The following PCDH9 variants were observed in gnomAD, a reference collection of about 807,000 sequenced individuals.
PCDH9 encodes the protein protocadherin-9.
A neutral mutation model predicts 70.6 loss-of-function variants in PCDH9; 24 were observed. That is an observed-to-expected ratio of 0.34 (90% CI 0.25 to 0.48). PCDH9 has a LOEUF of 0.48. Among genes scored for constraint, PCDH9 ranks in the 20% least tolerant of loss-of-function variants. The pLI is 0.99. For missense variants in PCDH9, 1,281 were observed against 1,503.6 expected, an observed-to-expected ratio of 0.85 and a Z score of 2.45; for synonymous variants, 562 against 558.5, an observed-to-expected ratio of 1.01 and a Z score of -0.09.
At chr13:66,665,467 C>T (rs1353507786) in intron 3 of PCDH9, among the ~76,000 whole-genome samples, 1 of 152,148 alleles carries the variant, frequency 6.6e-6, no homozygotes, top group Non-Finnish European at 1.5e-5. Flanking sequence ...TTACTGTTTT[C>T]TTACCCTATT....
Position 67,227,092 on chromosome 13 carries a change from T to G in PCDH9, c.1349A>C (p.Asn450Thr). ...CTTAACCCTTACCAGGGCAGTCTGA[T>G]TTAAACTGGGCTTCCCAGAATCAGA... ...VASDSGKPSL[N>T]QTALVRVKLE... Residue 450 changes from asparagine (N) to threonine (T), a missense_variant, in exon 2 of 5, where the codon AAT (asparagine) becomes ACT (threonine). Around this residue, in one of 4 missense-constraint regions of PCDH9, gnomAD observed 798 missense variants for 1,003.1 expected, o/e 0.80. Coordinates refer to ENST00000377865, the MANE Select transcript of PCDH9 (RefSeq NM_203487.3). This position sits in a 1 kb window ranked among gnomAD's most constrained non-coding sequence, Gnocchi z 4.6. 1 of 1,614,192 alleles carries G rather than the reference T, an allele frequency of 6.2e-7. No homozygotes were observed. Among genetic ancestry groups the G allele is most frequent in the Non-Finnish European group, 8.5e-7 (1 of 1,180,018 alleles).
At chr13:66,721,344 A>C (rs889370508) in intron 3 of PCDH9, among the ~76,000 whole-genome samples, 2 of 152,192 alleles carry the variant, frequency 1.3e-5, no homozygotes, top group Non-Finnish European at 2.9e-5. Flanking sequence ...ACCTATTCTC[A>C]GCATGGACTT....
chr13:67,063,537 A>T (rs1471637485), intron 2 of PCDH9, among the ~76,000 whole-genome samples: 1 of 151,430 alleles, frequency 6.6e-6, no homozygotes, highest in Admixed American at 6.6e-5. Flanking sequence ...AGGCAAAAAA[A>T]AAAAATGCTA....
chr13:66,991,324 T>C (rs988811341), intron 2 of PCDH9, among the ~76,000 whole-genome samples: 13 of 151,962 alleles, frequency 8.6e-5, no homozygotes, highest in Non-Finnish European at 4.4e-5. Context: ...GCAAGGCTAG[T>C]GGACGTTATA....
chr13:66,365,741 G>A (rs943838842), intron 4 of PCDH9, among the ~76,000 whole-genome samples: 1 of 152,076 alleles, frequency 6.6e-6, no homozygotes, highest in Non-Finnish European at 1.5e-5. Context: ...TCCCTTTGCA[G>A]TAACACATTT....
chr13:66,892,370 A>G (rs2082111022), intron 3 of PCDH9, among the ~76,000 whole-genome samples: 1 of 151,660 alleles, frequency 6.6e-6, no homozygotes, highest in African/African-American at 2.4e-5. Flanking sequence ...GTCCATAATA[A>G]GATGTCCATT....
intron 2 of PCDH9, among the ~76,000 whole-genome samples, chr13:67,002,723 C>T (rs890999914): frequency 3.3e-5 from 5 of 151,960 alleles, no homozygotes; most frequent in Non-Finnish European, 5.9e-5. Flanking sequence ...CTATGAACTT[C>T]TTTTTTTCCT....
At chr13:66,400,376 A>G (rs1406452614) in intron 4 of PCDH9, among the ~76,000 whole-genome samples, 6 of 152,226 alleles carry the variant, frequency 3.9e-5, no homozygotes, top group Non-Finnish European at 7.4e-5. Context: ...ATCCTTAAAA[A>G]TAAATCTTAA....
At chr13:67,195,473 T>A (rs1215042547) in intron 2 of PCDH9, among the ~76,000 whole-genome samples, 1 of 152,142 alleles carries the variant, frequency 6.6e-6, no homozygotes, top group Non-Finnish European at 1.5e-5. Context: ...GCTTAATCTC[T>A]CTTCCTTAAT....
chr13:66,775,569 G>T (rs1205107182), intron 3 of PCDH9, among the ~76,000 whole-genome samples: 3 of 152,140 alleles, frequency 2.0e-5, no homozygotes, highest in Non-Finnish European at 4.4e-5. Flanking sequence ...TCAATGTGAA[G>T]ATGATGAGGA....
At chr13:67,190,119 T>C (rs1433819136) in intron 2 of PCDH9, among the ~76,000 whole-genome samples, 1 of 152,018 alleles carries the variant, frequency 6.6e-6, no homozygotes, top group Admixed American at 6.6e-5. Flanking sequence ...GAATTTTAAA[T>C]ATGCAAAGAA....
chr13:66,473,780 A>T (rs990767823), intron 4 of PCDH9, among the ~76,000 whole-genome samples: 4 of 152,188 alleles, frequency 2.6e-5, no homozygotes, highest in African/African-American at 9.6e-5. Flanking sequence ...CTTGGGGACT[A>T]GTAAAGCTTC....
At chr13:67,185,045 A>G (rs1460270117) in intron 2 of PCDH9, among the ~76,000 whole-genome samples, 2 of 152,192 alleles carry the variant, frequency 1.3e-5, no homozygotes, top group African/African-American at 4.8e-5. Context: ...TCCTATACCT[A>G]GCAATGCCCT....
intron 2 of PCDH9, among the ~76,000 whole-genome samples, chr13:66,918,315 G>C (rs2082588219): frequency 6.6e-6 from 1 of 151,122 alleles, no homozygotes. Flanking sequence ...GTGTTCATTT[G>C]TTTCTCCTTG....
chr13:66,620,257 T>A (rs1010409557), intron 4 of PCDH9, among the ~76,000 whole-genome samples: 46 of 152,190 alleles, frequency 3.0e-4, no homozygotes, highest in Non-Finnish European at 1.9e-4. Context: ...CTTGAACAGT[T>A]TATCATTTAT....
chr13:67,079,038 A>C (rs1453903834), intron 2 of PCDH9, among the ~76,000 whole-genome samples: 3 of 152,044 alleles, frequency 2.0e-5, no homozygotes, highest in Admixed American at 2.0e-4. Flanking sequence ...GGCCAGACGC[A>C]GTGGCTCACG....
chr13:67,063,865 A>G (rs2085588485), intron 2 of PCDH9, among the ~76,000 whole-genome samples: 1 of 152,202 alleles, frequency 6.6e-6, no homozygotes, highest in African/African-American at 2.4e-5. Flanking sequence ...AATAGGTTGC[A>G]GAGTGATAGG....
intron 3 of PCDH9, among the ~76,000 whole-genome samples, chr13:66,735,100 A>G (rs1300702758): frequency 6.6e-6 from 1 of 152,198 alleles, no homozygotes; most frequent in African/African-American, 2.4e-5. Flanking sequence ...AATATTAGAT[A>G]GTTGTTCACT....
Position 66,915,825 on chromosome 13 carries a change from T to G in PCDH9, c.3037-12220A>C, listed in dbSNP as rs979472449. On this transcript the variant is annotated intron_variant, in intron 2 of 4. Coordinates refer to ENST00000377865, the MANE Select transcript of PCDH9 (RefSeq NM_203487.3). ...AGTAGCTCTGAATCCCTTTTTGCCT[T>G]TCTTTTAGCCCTAGCTCTTTTTAAG... Among the ~76,000 whole-genome samples, 12 of 151,760 alleles carry G rather than the reference T, an allele frequency of 7.9e-5. No individual in the cohort carries two copies. In the East Asian group the frequency reaches 2.3e-3, roughly 29 times the overall value.
Sources: allele counts gnomAD v4.1 joint callset (sites outside exome capture counted in the v4.1 genomes callset), GRCh38; gene constraint gnomAD v4.1.1; regional missense constraint gnomAD v4.1.1; non-coding constraint Gnocchi (gnomAD v3.1); transcripts MANE v1.5; gene names NCBI Gene and HGNC (gene_info 2026-07-23, HGNC 2026-07-21).